The following MEGF10 variants were observed in gnomAD, a reference collection of about 807,000 sequenced individuals.
MEGF10 encodes multiple EGF like domains 10.
Under a neutral mutation model 147.5 loss-of-function variants are expected in MEGF10, and 86 were observed. That is an observed-to-expected ratio of 0.58 (90% CI 0.49 to 0.70). The LOEUF (loss-of-function observed/expected upper bound fraction) is 0.70. Among genes scored for constraint, MEGF10 ranks in the 30% least tolerant of loss-of-function variants. The pLI is 0.00. For missense variants in MEGF10, 1,329 were observed against 1,487.3 expected, an observed-to-expected ratio of 0.89 and a Z score of 1.75; for synonymous variants, 478 against 525.5, an observed-to-expected ratio of 0.91 and a Z score of 1.24.
At chr5:127,380,339 T>C (rs181172285) in intron 5 of MEGF10, among the ~76,000 whole-genome samples, 38 of 152,202 alleles carry the variant, frequency 2.5e-4, no homozygotes, top group African/African-American at 8.7e-4. Flanking sequence ...AGCTGAAGTA[T>C]GTAAACAAAC....
At chr5:127,429,171 A>G (rs1284526942) in intron 13 of MEGF10, among the ~76,000 whole-genome samples, 1 of 152,180 alleles carries the variant, frequency 6.6e-6, no homozygotes, top group Admixed American at 6.5e-5. Flanking sequence ...TTCCTGAACT[A>G]TTAAAGTTTC....
chr5:127,331,526 G>T, intron 2 of MEGF10, 102 bp downstream of exon 2: 1 of 690,688 alleles, frequency 1.4e-6, no homozygotes, highest in Non-Finnish European at 2.4e-6. Flanking sequence ...TGAAGAGATT[G>T]TGAAATTACT....
chr5:127,353,562 CAT>C (rs1409157424), intron 4 of MEGF10, among the ~76,000 whole-genome samples: 1 of 152,178 alleles, frequency 6.6e-6, no homozygotes, highest in African/African-American at 2.4e-5. Context: ...GAAAGCGAAT[CAT>C]TGTAAGCAGC....
intron 5 of MEGF10, among the ~76,000 whole-genome samples, chr5:127,377,030 G>A (rs146844999): frequency 6.6e-6 from 1 of 152,270 alleles, no homozygotes; most frequent in East Asian, 1.9e-4. Flanking sequence ...TCTGAGAGAC[G>A]TTGAGGGCCC....
At position 127,419,140 on chromosome 5, in the gene MEGF10, A is replaced by G. The variant is rs1391041229; in HGVS notation, c.1326A>G (p.Pro442=). 1 of 1,613,998 alleles carries G rather than the reference A, an allele frequency of 6.2e-7. No individual in the cohort carries two copies. The highest frequency in any genetic ancestry group is 1.7e-5 in the Admixed American group (1 of 59,990). Residue 442 remains proline, a synonymous_variant, in exon 11 of 25, where the codon CCA becomes CCG. Coordinates refer to ENST00000503335, the MANE Select transcript of MEGF10 (RefSeq NM_001256545.2). ...TCTAGGGAATTGACTGCTCTACCCC[A>G]TGCCCTCTGGGAACCTATGGGATAA... ...PGFKGIDCST[P]CPLGTYGINC... is the part of the protein sequence containing the mutation.
chr5:127,325,109 G>A (rs569637862), intron 1 of MEGF10, among the ~76,000 whole-genome samples: 1 of 152,294 alleles, frequency 6.6e-6, no homozygotes, highest in South Asian at 2.1e-4. Flanking sequence ...CATTGCTAGT[G>A]TGAGGTGCCA....
At chr5:127,273,367 A>G in the MEGF10 span, among the ~76,000 whole-genome samples, 5 of 152,136 alleles carry the variant, frequency 3.3e-5, no homozygotes, top group African/African-American at 1.2e-4. Context: ...AAAACTCGAC[A>G]TGGGTCGAGT....
chr5:127,401,518 A>G (rs1009456639), intron 7 of MEGF10, among the ~76,000 whole-genome samples: 2 of 152,190 alleles, frequency 1.3e-5, no homozygotes, highest in Non-Finnish European at 2.9e-5. Context: ...GCTGTCCAGA[A>G]TAAACATTTA....
At chr5:127,356,731 CT>C (rs555102793) in intron 4 of MEGF10, among the ~76,000 whole-genome samples, 290 of 152,284 alleles carry the variant, frequency 1.9e-3, no homozygotes, top group African/African-American at 6.6e-3. Context: ...TAGGCATTAT[CT>C]GTAGTTGAAT....
In MEGF10 at chr5:127,353,061, C is replaced by T. The variant is rs141696812; in HGVS notation, c.319+12431C>T. Among the ~76,000 whole-genome samples, 329 of 152,312 alleles carry T rather than the reference C, an allele frequency of 2.2e-3. 2 individuals are homozygous for T. The highest frequency in any genetic ancestry group is 0.016 in the South Asian group (77 of 4,822). On this transcript the variant is annotated intron_variant, in intron 4 of 24. Transcript: ENST00000503335. ...GCAGTTTGCAGGGATGATCTGGAGC[C>T]AGGGAAATCTCTTGTCTTCTCCTAC...
intron 16 of MEGF10, among the ~76,000 whole-genome samples, chr5:127,437,114 G>C (rs1765578366): frequency 6.6e-6 from 1 of 152,180 alleles, no homozygotes; most frequent in South Asian, 2.1e-4. Flanking sequence ...GTTTACAGAA[G>C]CTGGTTAAAT....
intron 13 of MEGF10, among the ~76,000 whole-genome samples, chr5:127,424,066 G>A (rs1353302137): frequency 3.3e-5 from 5 of 152,152 alleles, no homozygotes; most frequent in Admixed American, 6.5e-5. Context: ...TGAGGTAGGG[G>A]TCCAACTTAA....
At chr5:127,445,839 G>T in intron 20 of MEGF10, 146 bp downstream of exon 20, 1 of 672,600 alleles carries the variant, frequency 1.5e-6, no homozygotes, top group East Asian at 2.5e-5. Context: ...GGTATACATT[G>T]CTAGAGATGA....
intron 22 of MEGF10, among the ~76,000 whole-genome samples, chr5:127,453,715 C>A (rs894692474): frequency 4.6e-5 from 7 of 152,178 alleles, no homozygotes; most frequent in African/African-American, 1.4e-4. Context: ...GAATAATTGA[C>A]TCCCATGCAG....
rs1372901880 is a variant in MEGF10, at chr5:127,458,653, A to T, written c.*1335A>T. ...TCGTTACTAAAATAGTATAGTAACCACAAGTGATTGGCTTATAAATGAAGT... is the reference window on the plus strand; with the variant it reads ...TCGTTACTAAAATAGTATAGTAACCTCAAGTGATTGGCTTATAAATGAAGT... On this transcript the variant is annotated 3_prime_UTR_variant, in exon 25 of 25. Transcript: ENST00000503335. 6.6e-6 allele frequency: 1 copy of T among 152,208 alleles called. No homozygotes were observed. Among genetic ancestry groups the T allele is most frequent in the Non-Finnish European group, 1.5e-5 (1 of 68,030 alleles). 9.4% of individuals were successfully genotyped at this position (152,208 alleles called of 1,614,324 possible).
At position 127,448,618 on chromosome 5, in the gene MEGF10, C is replaced by T. The variant is rs151296344; in HGVS notation, c.2857-481C>T. ...TATAGTGCTTCATGGTTAAATATCA[C>T]TCCACATACCCCAGAGACTTTCACA... On this transcript the variant is annotated intron_variant, in intron 21 of 24. Transcript: ENST00000503335. Among the ~76,000 whole-genome samples the T allele has an allele frequency of 1.4e-3, 209 of 152,278 alleles. 1 individual carries two copies. Among genetic ancestry groups the T allele is most frequent in the South Asian group, 3.1e-3 (15 of 4,828 alleles).
intron 4 of MEGF10, among the ~76,000 whole-genome samples, chr5:127,363,542 T>C (rs1762550008): frequency 6.6e-6 from 1 of 152,140 alleles, no homozygotes; most frequent in African/African-American, 2.4e-5. Flanking sequence ...GTTTTCCACA[T>C]AGGCATTTCA....
chr5:127,263,245 T>A, the MEGF10 span, among the ~76,000 whole-genome samples: 1 of 147,204 alleles, frequency 6.8e-6, no homozygotes, highest in Non-Finnish European at 1.5e-5. Flanking sequence ...GAAGATGGGT[T>A]CATGAATGTG....
At chr5:127,392,980 G>A (rs1379220478) in intron 5 of MEGF10, among the ~76,000 whole-genome samples, 3 of 152,204 alleles carry the variant, frequency 2.0e-5, no homozygotes, top group African/African-American at 7.2e-5. Context: ...AGTTAGAACT[G>A]AAACCAGAGG....
Sources: gnomAD v4.1 joint callset for allele counts (sites outside exome capture counted in the v4.1 genomes callset) on GRCh38, gnomAD v4.1.1 for gene constraint, MANE v1.5 for transcripts, NCBI Gene and HGNC (gene_info 2026-07-23, HGNC 2026-07-21) for gene names.